The following TENM3 variants were observed in gnomAD, a reference collection of about 807,000 sequenced individuals.
TENM3 encodes the protein teneurin transmembrane protein 3.
In TENM3, 63 loss-of-function variants were observed where a neutral mutation model predicts 255.1. The ratio of observed to expected loss-of-function variants is 0.25; its 90% CI spans 0.20 to 0.30. The LOEUF (loss-of-function observed/expected upper bound fraction) is 0.30, where lower values mean the gene tolerates loss of function less well. Ranked by LOEUF, TENM3 falls within the 10% of genes least tolerant of loss-of-function variation. TENM3 has a pLI of 1.00. For missense variants in TENM3, 2,929 were observed against 3,461.1 expected (o/e 0.85, Z 3.86); for synonymous variants, 1,306 against 1,322.3 (o/e 0.99, Z 0.27).
the TENM3 span, among the ~76,000 whole-genome samples, chr4:182,135,357 T>C: frequency 1.3e-5 from 2 of 152,298 alleles, no homozygotes; most frequent in Admixed American, 6.5e-5. Context: ...TGGTGTCATC[T>C]TTAAGCAAAG....
At chr4:182,339,827 C>A (rs971173533) in intron 2 of TENM3, among the ~76,000 whole-genome samples, 12 of 152,130 alleles carry the variant, frequency 7.9e-5, no homozygotes, top group African/African-American at 2.7e-4. Flanking sequence ...GGCGTATTAT[C>A]ATTGCCGGGC....
At chr4:181,759,947 A>T in the TENM3 span, among the ~76,000 whole-genome samples, 1 of 151,956 alleles carries the variant, frequency 6.6e-6, no homozygotes, top group Non-Finnish European at 1.5e-5. Context: ...CTTGCTTAAT[A>T]CTCCATGGCC....
At chr4:181,893,793 C>T in the TENM3 span, among the ~76,000 whole-genome samples, 18,627 of 152,004 alleles carry the variant, frequency 0.12, 1,562 homozygotes, top group East Asian at 0.25. Context: ...GTTTTAGCAA[C>T]ACAAGACAGT....
the TENM3 span, among the ~76,000 whole-genome samples, chr4:182,017,289 G>A: frequency 6.6e-6 from 1 of 152,252 alleles, no homozygotes; most frequent in Admixed American, 6.5e-5. Context: ...AATGCAGGAA[G>A]TTTGGTGAAG....
intron 1 of TENM3, among the ~76,000 whole-genome samples, chr4:182,248,457 G>A (rs1373496190): frequency 6.6e-6 from 1 of 152,100 alleles, no homozygotes; most frequent in Non-Finnish European, 1.5e-5. Context: ...TTCTTCTAAT[G>A]TGTAGTACCA....
chr4:182,433,057 ACAC>A (rs962734266), intron 3 of TENM3, among the ~76,000 whole-genome samples: 24 of 152,216 alleles, frequency 1.6e-4, no homozygotes, highest in African/African-American at 5.1e-4. Flanking sequence ...TTGGAGGAAA[ACAC>A]AAATAGAGGA....
At chr4:182,601,599 C>G (rs1416228590) in intron 4 of TENM3, among the ~76,000 whole-genome samples, 3 of 151,958 alleles carry the variant, frequency 2.0e-5, no homozygotes, top group Non-Finnish European at 2.9e-5. Flanking sequence ...ATAGTGGAGC[C>G]CCACTATGAA....
rs577973983 is a variant in TENM3 at position 182,646,334 on chromosome 4, C to T, written c.989-7437C>T. On this transcript the variant is annotated intron_variant, in intron 5 of 27. Coordinates refer to ENST00000511685, the MANE Select transcript of TENM3 (RefSeq NM_001080477.4). ...AACCAGCAGAGAACTGGGAAGAGAA[C>T]CAGGAGAATTATGAAAGGAAAATAA... Among the ~76,000 whole-genome samples, 3 of 152,120 alleles carry T rather than the reference C, an allele frequency of 2.0e-5. No homozygotes were observed. In the East Asian group the frequency reaches 5.8e-4, roughly 29 times the overall value.
the TENM3 span, among the ~76,000 whole-genome samples, chr4:181,848,490 G>A: frequency 6.6e-6 from 1 of 152,152 alleles, no homozygotes; most frequent in South Asian, 2.1e-4. Flanking sequence ...TGGGTACTCA[G>A]TATCCAACTC....
chr4:181,681,931 G>T, the TENM3 span, among the ~76,000 whole-genome samples: 2 of 152,136 alleles, frequency 1.3e-5, no homozygotes, highest in African/African-American at 4.8e-5. Flanking sequence ...AGTGGACTGT[G>T]TTCTAATTTC....
chr4:182,073,891 T>C, the TENM3 span, among the ~76,000 whole-genome samples: 165 of 152,256 alleles, frequency 1.1e-3, 1 homozygote, highest in African/African-American at 3.3e-3. Context: ...GTTCACAGAA[T>C]TGGCACAAAA....
chr4:181,572,553 T>G, the TENM3 span, among the ~76,000 whole-genome samples: 43 of 152,086 alleles, frequency 2.8e-4, no homozygotes, highest in African/African-American at 1.0e-3. Context: ...AGTTTCACAC[T>G]TTTTTTTGTC....
the TENM3 span, among the ~76,000 whole-genome samples, chr4:182,016,772 C>CT: frequency 4.0e-5 from 6 of 151,594 alleles, no homozygotes; most frequent in African/African-American, 1.5e-4. Context: ...ATGCTTTATT[C>CT]TTTTTAAAAA....
At chr4:181,496,916 A>G in the TENM3 span, among the ~76,000 whole-genome samples, 1 of 152,066 alleles carries the variant, frequency 6.6e-6, no homozygotes, top group African/African-American at 2.4e-5. Flanking sequence ...CTAGCTCCCT[A>G]TACACAGAGA....
At chr4:182,701,612 C>A (rs1238262602) in intron 12 of TENM3, among the ~76,000 whole-genome samples, 1 of 152,152 alleles carries the variant, frequency 6.6e-6, no homozygotes, top group Non-Finnish European at 1.5e-5. Context: ...AAAAAAATCA[C>A]CATGTAGCTG....
At chr4:182,293,739 A>T (rs1761274948) in intron 1 of TENM3, among the ~76,000 whole-genome samples, 1 of 150,870 alleles carries the variant, frequency 6.6e-6, no homozygotes, top group Non-Finnish European at 1.5e-5. Context: ...CCTCCTCCAC[A>T]TGCTTTAAAG....
chr4:182,617,325 C>T (rs1398377511), intron 4 of TENM3, among the ~76,000 whole-genome samples: 3 of 152,148 alleles, frequency 2.0e-5, no homozygotes, highest in Admixed American at 2.0e-4. Context: ...ATCATCTTAT[C>T]TTAAAATGAA....
chr4:181,577,804 T>A, the TENM3 span, among the ~76,000 whole-genome samples: 2 of 152,186 alleles, frequency 1.3e-5, no homozygotes, highest in East Asian at 3.9e-4. Context: ...TTTTTTTTAA[T>A]ACCAATGTGA....
the TENM3 span, among the ~76,000 whole-genome samples, chr4:181,507,478 A>G: frequency 1.3e-5 from 2 of 152,214 alleles, no homozygotes; most frequent in East Asian, 3.9e-4. Flanking sequence ...TTCTGCCGGC[A>G]CATATTAATT....
Sources: allele counts gnomAD v4.1 joint callset (sites outside exome capture counted in the v4.1 genomes callset), GRCh38; gene constraint gnomAD v4.1.1; transcripts MANE v1.5; gene names NCBI Gene and HGNC (gene_info 2026-07-23, HGNC 2026-07-21).